FAAH2: variants seen among roughly 807,000 people sequenced by gnomAD.
FAAH2 encodes fatty acid amide hydrolase 2.
FAAH2 carries 60 observed loss-of-function variants against 36.9 expected under a neutral mutation model. That is an observed-to-expected ratio of 1.63 (90% CI 1.32 to 2.02). FAAH2 has a LOEUF of 2.02. Among genes scored for constraint, FAAH2 ranks in the 30% most tolerant of loss-of-function variants. FAAH2 has a pLI of 0.00. For synonymous variants in FAAH2, 214 were observed against 143.8 expected (o/e 1.49, Z -3.49); for missense variants, 689 against 397.5 (o/e 1.73, Z -6.23).
At chrX:57,310,250 C>A (rs1407847103) in intron 2 of FAAH2, among the ~76,000 whole-genome samples, 3 of 111,668 alleles carry the variant, frequency 2.7e-5, no homozygotes, top group Non-Finnish European at 5.6e-5. Context: ...TGTTTATGGC[C>A]TTTACGCAAC....
chrX:57,329,582 G>T (rs1383308729), intron 3 of FAAH2, among the ~76,000 whole-genome samples: 1 of 109,359 alleles, frequency 9.1e-6, no homozygotes, highest in Non-Finnish European at 1.9e-5. Flanking sequence ...GCATGGCAGG[G>T]TGCACACAAT....
chrX:57,399,450 C>A (rs1321957255), intron 7 of FAAH2, among the ~76,000 whole-genome samples: 1 of 112,028 alleles, frequency 8.9e-6, no homozygotes, highest in East Asian at 2.8e-4. Context: ...AAACTATGTC[C>A]TTGTGAGGTT....
At chrX:57,163,607 G>T in the FAAH2 span, among the ~76,000 whole-genome samples, 1 of 112,088 alleles carries the variant, frequency 8.9e-6, no homozygotes, top group Non-Finnish European at 1.9e-5. Context: ...GTATTCAGGT[G>T]GGAGTGACCC....
At chrX:57,244,026 T>A in the FAAH2 span, among the ~76,000 whole-genome samples, 1 of 106,650 alleles carries the variant, frequency 9.4e-6, no homozygotes, top group Non-Finnish European at 1.9e-5. Context: ...AATTGCTAAC[T>A]AGGATAACCA....
At chrX:57,309,389 A>G (rs954650203) in intron 2 of FAAH2, among the ~76,000 whole-genome samples, 3 of 112,315 alleles carry the variant, frequency 2.7e-5, no homozygotes, top group Non-Finnish European at 1.9e-5. Context: ...TTCTCTTTTC[A>G]CTTACATTAA....
At chrX:57,216,624 GTA>G in the FAAH2 span, among the ~76,000 whole-genome samples, 20 of 57,789 alleles carry the variant, frequency 3.5e-4, no homozygotes, top group African/African-American at 8.9e-4. Flanking sequence ...ATATATATAC[GTA>G]TATATATATA....
the FAAH2 span, among the ~76,000 whole-genome samples, chrX:57,174,177 C>T: frequency 4.6e-5 from 5 of 109,609 alleles, no homozygotes; most frequent in African/African-American, 6.6e-5. Flanking sequence ...TTGTAGAATT[C>T]AACTGTGAAT....
At chrX:57,149,040 T>G in the FAAH2 span, among the ~76,000 whole-genome samples, 4 of 112,203 alleles carry the variant, frequency 3.6e-5, no homozygotes, top group African/African-American at 9.7e-5. Context: ...TCTTTGGTTC[T>G]GTTTATATGC....
chrX:57,344,822 T>C (rs2053777340), intron 5 of FAAH2, among the ~76,000 whole-genome samples: 1 of 111,795 alleles, frequency 8.9e-6, no homozygotes, highest in Non-Finnish European at 1.9e-5. Flanking sequence ...TGAAGTCTCT[T>C]TCTGAATCTA....
At chrX:57,399,052 G>T (rs757691545) in intron 7 of FAAH2, among the ~76,000 whole-genome samples, 1 of 111,587 alleles carries the variant, frequency 9.0e-6, no homozygotes, top group South Asian at 3.8e-4. Context: ...TAGCAGGCCG[G>T]TCCAGGAATC....
the FAAH2 span, among the ~76,000 whole-genome samples, chrX:57,254,125 A>G: frequency 9.0e-6 from 1 of 111,187 alleles, no homozygotes; most frequent in Non-Finnish European, 1.9e-5. Flanking sequence ...AAGGGGTGCA[A>G]TCCTGGTCTT....
At chrX:57,236,012 C>T in the FAAH2 span, among the ~76,000 whole-genome samples, 2 of 112,210 alleles carry the variant, frequency 1.8e-5, no homozygotes, top group African/African-American at 3.2e-5. Context: ...CACTCCCATC[C>T]CCAGCCTCTG....
At chrX:57,239,374 C>T in the FAAH2 span, among the ~76,000 whole-genome samples, 4 of 111,213 alleles carry the variant, frequency 3.6e-5, no homozygotes, top group East Asian at 1.1e-3. Flanking sequence ...TGAATATGGG[C>T]TCCAATCTCT....
chrX:57,412,276 G>T (rs1012948729), intron 7 of FAAH2, among the ~76,000 whole-genome samples: 1 of 111,360 alleles, frequency 9.0e-6, no homozygotes, highest in Non-Finnish European at 1.9e-5. Context: ...GGAATGTGCA[G>T]GTTTGTTACA....
At chrX:57,444,564 G>C (rs184866718) in intron 8 of FAAH2, among the ~76,000 whole-genome samples, 10 of 111,608 alleles carry the variant, frequency 9.0e-5, no homozygotes, top group Non-Finnish European at 1.7e-4. Flanking sequence ...TCCCAGGTGA[G>C]AGGATGCCCC....
At chrX:57,239,551 C>T in the FAAH2 span, among the ~76,000 whole-genome samples, 1 of 109,800 alleles carries the variant, frequency 9.1e-6, no homozygotes, top group South Asian at 3.9e-4. Context: ...TGCAGGGGTT[C>T]TTTGTATTTT....
At chrX:57,438,649 G>A (rs2056471393) in intron 8 of FAAH2, among the ~76,000 whole-genome samples, 1 of 109,184 alleles carries the variant, frequency 9.2e-6, no homozygotes, top group Non-Finnish European at 1.9e-5. Flanking sequence ...TGTGCACAAT[G>A]TGCAGGTTTG....
At chrX:57,178,427 G>A in the FAAH2 span, among the ~76,000 whole-genome samples, 1 of 111,872 alleles carries the variant, frequency 8.9e-6, no homozygotes, top group Non-Finnish European at 1.9e-5. Flanking sequence ...GCCTGCTACA[G>A]TGGTAGCAGT....
At chrX:57,348,300 GC>G (rs2053885500) in intron 5 of FAAH2, among the ~76,000 whole-genome samples, 1 of 110,352 alleles carries the variant, frequency 9.1e-6, no homozygotes. Context: ...TTAGTTGCTG[GC>G]CCAAAAAGCC....
Sources: allele counts gnomAD v4.1 joint callset (sites outside exome capture counted in the v4.1 genomes callset), GRCh38; gene constraint gnomAD v4.1.1; transcripts MANE v1.5; gene names NCBI Gene and HGNC (gene_info 2026-07-23, HGNC 2026-07-21).